RGS7BP: variants seen among roughly 807,000 people sequenced by gnomAD.
RGS7BP encodes the protein regulator of G protein signaling 7 binding protein, also known as regulator of G protein signaling 7-binding protein.
RGS7BP carries 9 observed loss-of-function variants against 31.3 expected under a neutral mutation model. That is an observed-to-expected ratio of 0.29 (90% CI 0.17 to 0.50). The LOEUF is 0.50. Ranked by LOEUF, RGS7BP falls within the 20% of genes least tolerant of loss-of-function variation. The probability of loss-of-function intolerance (pLI) is 0.98; values close to 1 mark genes in which losing one functional copy is unlikely to be tolerated. For missense variants in RGS7BP, 274 were observed against 322.0 expected, an observed-to-expected ratio of 0.85 and a Z score of 1.14; for synonymous variants, 115 against 120.1, an observed-to-expected ratio of 0.96 and a Z score of 0.28.
intron 5 of RGS7BP, among the ~76,000 whole-genome samples, chr5:64,600,674 G>A (rs895227253): frequency 6.6e-6 from 1 of 152,198 alleles, no homozygotes; most frequent in South Asian, 2.1e-4. Flanking sequence ...GAAGGAAGTG[G>A]TGCAGTAGGA....
At chr5:64,562,848 CATGG>C (rs1419205812) in intron 2 of RGS7BP, among the ~76,000 whole-genome samples, 1 of 152,176 alleles carries the variant, frequency 6.6e-6, no homozygotes, top group Non-Finnish European at 1.5e-5. Context: ...TTTCAACAAA[CATGG>C]ATGGAGAGCC....
At chr5:64,566,316 G>A (rs890198917) in intron 2 of RGS7BP, among the ~76,000 whole-genome samples, 1 of 152,072 alleles carries the variant, frequency 6.6e-6, no homozygotes, top group Non-Finnish European at 1.5e-5. Flanking sequence ...GGGAAATGCA[G>A]CATAGAGTAA....
chr5:64,570,287 C>T lies in RGS7BP; in HGVS notation c.333-5487C>T, dbSNP rs1193730172. 2.6e-5 allele frequency among the ~76,000 whole-genome samples: 4 copies of T among 152,120 alleles called. No homozygotes were observed. In the East Asian group the frequency reaches 7.7e-4, roughly 29 times the overall value. On this transcript the variant is annotated intron_variant, in intron 2 of 5. Transcript: ENST00000334025. ...TGCCTTTTATACTTGCTTTCCCACA[C>T]ATGATTTCATTTGATCCTTGCAGCA... is the stretch of plus-strand genomic sequence containing the variant.
chr5:64,598,588 C>T (rs958579014), intron 5 of RGS7BP, 153 bp downstream of exon 5: 1 of 158,250 alleles, frequency 6.3e-6, no homozygotes, highest in African/African-American at 2.4e-5. Context: ...CAAAATGAGA[C>T]TAGAAACTCT....
intron 2 of RGS7BP, among the ~76,000 whole-genome samples, chr5:64,559,716 G>T (rs935468850): frequency 6.6e-6 from 1 of 152,202 alleles, no homozygotes; most frequent in East Asian, 1.9e-4. Flanking sequence ...ATGAAAAAAG[G>T]CAAAACAAGC....
intron 4 of RGS7BP, 98 bp from the exon 5 acceptor site, chr5:64,598,267 C>T: frequency 1.3e-6 from 1 of 748,536 alleles, no homozygotes; most frequent in African/African-American, 1.7e-5. Context: ...CAATTAGACA[C>T]AGACCCTCAT....
chr5:64,524,609 A>G (rs1264623909), intron 2 of RGS7BP, among the ~76,000 whole-genome samples: 2 of 152,150 alleles, frequency 1.3e-5, no homozygotes, highest in Non-Finnish European at 2.9e-5. Flanking sequence ...AATGCAATTG[A>G]ATTTTTCTGG....
At chr5:64,579,543 CAAAAAAAAAAAAA>C (rs34003776) in intron 3 of RGS7BP, among the ~76,000 whole-genome samples, 2 of 53,310 alleles carry the variant, frequency 3.8e-5, no homozygotes, top group African/African-American at 8.4e-5. Flanking sequence ...GACTCCATCT[CAAAAAAAAAAAAA>C]AAAAAAAAAA....
At chr5:64,524,533 T>C (rs2111907174) in intron 2 of RGS7BP, among the ~76,000 whole-genome samples, 1 of 152,312 alleles carries the variant, frequency 6.6e-6, no homozygotes, top group South Asian at 2.1e-4. Flanking sequence ...ATTTAATTTT[T>C]TCCTCTATAA....
chr5:64,520,223 T>TC lies in RGS7BP; in HGVS notation c.332+12349dup, dbSNP rs1297373811. Among the ~76,000 whole-genome samples, 3 of 152,308 alleles carry TC rather than the reference T, an allele frequency of 2.0e-5. No homozygotes were observed. In the East Asian group the frequency reaches 5.8e-4, roughly 29 times the overall value. On this transcript the variant is annotated intron_variant, in intron 2 of 5. Coordinates refer to ENST00000334025, the MANE Select transcript of RGS7BP (RefSeq NM_001029875.3). The stretch of plus-strand genomic sequence containing the variant: ...ATTCTTGCCACCATATTGGGCTGTT[T>TC]CCCGACAGACCCTTCTTTCTTGGAC...
At chr5:64,536,611 G>A (rs1741370024) in intron 2 of RGS7BP, among the ~76,000 whole-genome samples, 1 of 152,140 alleles carries the variant, frequency 6.6e-6, no homozygotes, top group Admixed American at 6.5e-5. Flanking sequence ...GGTGCTAAAG[G>A]TATTCTTTTA....
intron 2 of RGS7BP, among the ~76,000 whole-genome samples, chr5:64,560,539 C>T (rs1742028131): frequency 9.1e-6 from 1 of 110,218 alleles, no homozygotes; most frequent in Admixed American, 9.7e-5. Flanking sequence ...TAGTTAATAT[C>T]ATTGTATATA....
chr5:64,590,363 AAAG>A (rs1234757184), intron 3 of RGS7BP, among the ~76,000 whole-genome samples: 3 of 152,164 alleles, frequency 2.0e-5, no homozygotes, highest in Admixed American at 1.3e-4. Context: ...TGAATTCAAA[AAAG>A]AAGAAGATAT....
At chr5:64,529,722 A>G (rs1749323450) in intron 2 of RGS7BP, among the ~76,000 whole-genome samples, 1 of 152,222 alleles carries the variant, frequency 6.6e-6, no homozygotes, top group Non-Finnish European at 1.5e-5. Flanking sequence ...TTGAACAAGT[A>G]TAGCCTCCAA....
chr5:64,513,811 C>T (rs1748902229), intron 2 of RGS7BP, among the ~76,000 whole-genome samples: 1 of 152,198 alleles, frequency 6.6e-6, no homozygotes. Flanking sequence ...GTTTAGCTCT[C>T]ACTGGTCAAA....
chr5:64,546,248 G>C (rs146364472), intron 2 of RGS7BP, among the ~76,000 whole-genome samples: 1 of 152,168 alleles, frequency 6.6e-6, no homozygotes, highest in African/African-American at 2.4e-5. Flanking sequence ...GAATGGATGA[G>C]GTGGTCAGGG....
At chr5:64,583,678 G>A (rs567236723) in intron 3 of RGS7BP, among the ~76,000 whole-genome samples, 29 of 152,254 alleles carry the variant, frequency 1.9e-4, no homozygotes, top group African/African-American at 6.7e-4. Flanking sequence ...AATTTAACCT[G>A]AGACTTGAAC....
At chr5:64,573,268 T>C (rs1385939178) in intron 2 of RGS7BP, among the ~76,000 whole-genome samples, 1 of 152,050 alleles carries the variant, frequency 6.6e-6, no homozygotes, top group African/African-American at 2.4e-5. Context: ...CAGAAGCACC[T>C]AATACATTGC....
At chr5:64,509,120 G>A (rs1015990650) in intron 2 of RGS7BP, among the ~76,000 whole-genome samples, 4 of 152,090 alleles carry the variant, frequency 2.6e-5, no homozygotes, top group East Asian at 1.9e-4. Flanking sequence ...AAGTAAATCC[G>A]GGAAATGGAG....
Sources: allele counts gnomAD v4.1 joint callset (sites outside exome capture counted in the v4.1 genomes callset), GRCh38; gene constraint gnomAD v4.1.1; transcripts MANE v1.5; gene names NCBI Gene and HGNC (gene_info 2026-07-23, HGNC 2026-07-21).